The following ROBO2 variants were observed in gnomAD, a reference collection of about 807,000 sequenced individuals.
The protein encoded by ROBO2 is roundabout homolog 2.
ROBO2 carries 53 observed loss-of-function variants against 160.8 expected under a neutral mutation model. That is an observed-to-expected ratio of 0.33 (90% confidence interval 0.26 to 0.41). ROBO2 has a LOEUF of 0.41. Among genes scored for constraint, ROBO2 ranks in the 10% least tolerant of loss-of-function variants. ROBO2 has a pLI of 1.00. For synonymous variants in ROBO2, 664 were observed against 611.7 expected (o/e 1.09, Z -1.26); for missense variants, 1,577 against 1,722.4 (o/e 0.92, Z 1.49).
At chr3:76,640,596 AGTGTGTGTGTGTGTGT>A (rs59208285) in intron 2 of ROBO2, among the ~76,000 whole-genome samples, 1 of 147,056 alleles carries the variant, frequency 6.8e-6, no homozygotes, top group African/African-American at 2.5e-5. Context: ...TTTGCGTGTG[AGTGTGTGTGTGTGTGT>A]GTGTGTGTGT....
chr3:77,276,402 A>G (rs887927238), intron 2 of ROBO2, among the ~76,000 whole-genome samples: 4 of 152,156 alleles, frequency 2.6e-5, no homozygotes, highest in African/African-American at 9.7e-5. Flanking sequence ...TTTAATACAT[A>G]AAATACTTGA....
At chr3:77,330,117 T>A (rs2153440903) in intron 2 of ROBO2, among the ~76,000 whole-genome samples, 1 of 152,326 alleles carries the variant, frequency 6.6e-6, no homozygotes, top group South Asian at 2.1e-4. Context: ...TTAAGGGATA[T>A]GATTTGTCCT....
intron 2 of ROBO2, among the ~76,000 whole-genome samples, chr3:76,218,281 C>T (rs1317104893): frequency 1.3e-5 from 2 of 152,188 alleles, no homozygotes; most frequent in Admixed American, 1.3e-4. Flanking sequence ...CTCACCACTC[C>T]TATTCCACCT....
intron 2 of ROBO2, among the ~76,000 whole-genome samples, chr3:77,282,162 T>C (rs2060286252): frequency 1.3e-5 from 2 of 152,104 alleles, no homozygotes; most frequent in Non-Finnish European, 2.9e-5. Context: ...TTTTTCTAAA[T>C]ACTTTTGATG....
chr3:76,591,634 T>C (rs1198386862), intron 2 of ROBO2, among the ~76,000 whole-genome samples: 1 of 152,122 alleles, frequency 6.6e-6, no homozygotes, highest in East Asian at 1.9e-4. Context: ...TGTCTTTCTT[T>C]TCTTTGAGAA....
intron 2 of ROBO2, among the ~76,000 whole-genome samples, chr3:77,426,500 G>T (rs1293289023): frequency 6.6e-6 from 1 of 151,884 alleles, no homozygotes; most frequent in Non-Finnish European, 1.5e-5. Flanking sequence ...GGAATATATA[G>T]ATAATTGAAG....
At chr3:77,370,343 T>C (rs2153476160) in intron 2 of ROBO2, among the ~76,000 whole-genome samples, 1 of 152,324 alleles carries the variant, frequency 6.6e-6, no homozygotes, top group Middle Eastern at 3.4e-3. Flanking sequence ...GTCTCCTTAG[T>C]AGCGTAAATG....
At chr3:76,461,029 A>G (rs568168012) in intron 2 of ROBO2, among the ~76,000 whole-genome samples, 142 of 152,360 alleles carry the variant, frequency 9.3e-4, no homozygotes, top group African/African-American at 3.0e-3. Context: ...GCATTGCTAT[A>G]AAGAAATACC....
At chr3:77,026,464 G>A (rs2062972047) in intron 2 of ROBO2, among the ~76,000 whole-genome samples, 1 of 152,206 alleles carries the variant, frequency 6.6e-6, no homozygotes, top group Admixed American at 6.5e-5. Context: ...TAGACCAGAT[G>A]TGTCAGTGCA....
chr3:76,861,817 T>C (rs2070813098), intron 2 of ROBO2, among the ~76,000 whole-genome samples: 1 of 152,214 alleles, frequency 6.6e-6, no homozygotes, highest in Non-Finnish European at 1.5e-5. Flanking sequence ...TCCAAGACAG[T>C]AGTCACAGCC....
chr3:77,024,225 G>A (rs918512929), intron 2 of ROBO2, among the ~76,000 whole-genome samples: 1 of 152,142 alleles, frequency 6.6e-6, no homozygotes, highest in South Asian at 2.1e-4. Flanking sequence ...GCATAGAACA[G>A]GATTGCTTCA....
intron 2 of ROBO2, among the ~76,000 whole-genome samples, chr3:77,227,397 T>C (rs2086622961): frequency 6.6e-6 from 1 of 152,216 alleles, no homozygotes; most frequent in African/African-American, 2.4e-5. Context: ...ATTATTTTTA[T>C]GGCATAAATG....
At chr3:76,516,019 CGAA>C (rs1560076388) in intron 2 of ROBO2, among the ~76,000 whole-genome samples, 14 of 151,984 alleles carry the variant, frequency 9.2e-5, no homozygotes, top group Non-Finnish European at 2.1e-4. Flanking sequence ...AAGTCAGAGG[CGAA>C]AAGCTAGATT....
intron 2 of ROBO2, among the ~76,000 whole-genome samples, chr3:76,746,099 T>G (rs1443658903): frequency 6.6e-6 from 1 of 151,462 alleles, no homozygotes; most frequent in Non-Finnish European, 1.5e-5. Context: ...TTTTTTGTTC[T>G]TGCGATAGTT....
intron 1 of ROBO2, among the ~76,000 whole-genome samples, chr3:77,055,972 G>T (rs962964659): frequency 6.6e-6 from 1 of 152,190 alleles, no homozygotes; most frequent in South Asian, 2.1e-4. Context: ...ACAAATGACT[G>T]CACAATACCA....
rs914357382 is a variant in ROBO2 at position 77,351,633 on chromosome 3, A to T, written c.389-125781A>T. Among the ~76,000 whole-genome samples the T allele has an allele frequency of 1.3e-5, 2 of 152,160 alleles. 1 individual carries two copies. Among genetic ancestry groups the T allele is most frequent in the South Asian group, 4.1e-4 (2 of 4,836 alleles). On this transcript the variant is annotated intron_variant, in intron 2 of 25. Transcript: ENST00000461745. Reference sequence around the variant, plus strand: ...GAGTCATCTACGTTGAAATACAAGGAGGTACCTCCTTAGACATCAAGAAGG... The same window carrying T: ...GAGTCATCTACGTTGAAATACAAGGTGGTACCTCCTTAGACATCAAGAAGG...
At chr3:76,032,566 T>C (rs1446967812) in intron 2 of ROBO2, among the ~76,000 whole-genome samples, 1 of 152,242 alleles carries the variant, frequency 6.6e-6, no homozygotes, top group Admixed American at 6.5e-5. Flanking sequence ...GTCTTTGTTC[T>C]CATTGGTTTC....
chr3:76,071,992 G>T (rs1206990215), intron 2 of ROBO2, among the ~76,000 whole-genome samples: 2 of 152,064 alleles, frequency 1.3e-5, no homozygotes, highest in Non-Finnish European at 2.9e-5. Flanking sequence ...TTGTTCTACA[G>T]TATATATTCT....
At chr3:76,317,284 T>G (rs572907312) in intron 2 of ROBO2, among the ~76,000 whole-genome samples, 1 of 152,334 alleles carries the variant, frequency 6.6e-6, no homozygotes, top group East Asian at 1.9e-4. Context: ...CATTTCTTAC[T>G]TTTAGCCAAT....
Sources: allele counts gnomAD v4.1 joint callset (sites outside exome capture counted in the v4.1 genomes callset), GRCh38; gene constraint gnomAD v4.1.1; transcripts MANE v1.5; gene names NCBI Gene and HGNC (gene_info 2026-07-23, HGNC 2026-07-21).